Variants in CEACAM18 observed in about 807,000 individuals in gnomAD.
CEACAM18 encodes cell adhesion molecule CEACAM18.
CEACAM18 carries 33 observed loss-of-function variants against 34.3 expected under a neutral mutation model. The ratio of observed to expected loss-of-function variants is 0.96; its 90% confidence interval spans 0.73 to 1.29. CEACAM18 has a LOEUF of 1.29. Among genes scored for constraint, CEACAM18 ranks in the 50% most tolerant of loss-of-function variants. The probability of loss-of-function intolerance (pLI) is 0.00; values close to 1 mark genes in which losing one functional copy is unlikely to be tolerated. For synonymous variants in CEACAM18, 169 were observed against 180.9 expected, an observed-to-expected ratio of 0.93 and a Z score of 0.53; for missense variants, 474 against 485.0, an observed-to-expected ratio of 0.98 and a Z score of 0.21.
chr19:51,489,527 C>T (rs777333369), intron 5 of CEACAM18, among the ~76,000 whole-genome samples: 22 of 151,964 alleles, frequency 1.4e-4, no homozygotes, highest in Non-Finnish European at 2.5e-4. Context: ...TACGTGTATG[C>T]GTTTTCACTA....
In CEACAM18 at chr19:51,484,997, T is replaced by A. The variant is rs561213367; in HGVS notation, c.964T>A (p.Cys322Ser). The A allele has an allele frequency of 1.3e-5, 20 of 1,536,148 alleles. No homozygotes were observed. The African/African-American group carries it at 1.9e-4, about 15-fold the overall frequency. ...GTCCTCTTCCTTCAGGGATCTTACCTGTTGTCCACAGAGATTTCTCCATCT... is the reference window on the plus strand; with the variant it reads ...GTCCTCTTCCTTCAGGGATCTTACCAGTTGTCCACAGAGATTTCTCCATCT... The change falls in exon 5 of 6, where the codon TGT becomes AGT. Residue 322 changes from cysteine (C) to serine (S), a missense_variant. Physicochemically the swap from Cys to Ser is moderately radical, Grantham distance 112 (BLOSUM62 -1). Coordinates refer to ENST00000396477, the Ensembl canonical transcript of CEACAM18.
downstream of CEACAM18, chr19:51,491,035 T>C (rs1599947876): frequency 4.8e-5 from 8 of 167,292 alleles, no homozygotes; most frequent in East Asian, 1.3e-3. Context: ...CAATCAGTGG[T>C]TGTTCCACTC....
intron 5 of CEACAM18, among the ~76,000 whole-genome samples, chr19:51,487,521 T>C (rs549325692): frequency 3.5e-4 from 53 of 151,888 alleles, no homozygotes; most frequent in Non-Finnish European, 6.8e-4. Flanking sequence ...AATCCCAGCA[T>C]GTTGGAAGGC....
Position 51,488,715 on chromosome 19 carries a change from G to C in CEACAM18, c.1090-1872G>C, listed in dbSNP as rs1179063123. On this transcript the variant is annotated intron_variant, in intron 5 of 5. Coordinates refer to ENST00000396477, the Ensembl canonical transcript of CEACAM18. ...GGACCTGGAACCACATTCTTCACAA[G>C]GGCTGCAGAAGGTGCCAGAGTTTGG... Among the ~76,000 whole-genome samples, 4 of 152,252 alleles carry C rather than the reference G, an allele frequency of 2.6e-5. No homozygotes were observed. The South Asian group carries it at 8.3e-4, about 32-fold the overall frequency.
At chr19:51,483,899 C>A (rs905953557) in intron 4 of CEACAM18, among the ~76,000 whole-genome samples, 1 of 152,156 alleles carries the variant, frequency 6.6e-6, no homozygotes, top group Admixed American at 6.5e-5. Flanking sequence ...AACCATGCGT[C>A]CAATCTTCTG....
chr19:51,489,760 G>T (rs996300717), intron 5 of CEACAM18, among the ~76,000 whole-genome samples: 5 of 152,188 alleles, frequency 3.3e-5, no homozygotes, highest in African/African-American at 9.7e-5. Context: ...GATAAAGTAA[G>T]CTCTTAGTAG....
intron 5 of CEACAM18, among the ~76,000 whole-genome samples, chr19:51,486,893 T>G (rs759305916): frequency 1.1e-4 from 13 of 121,128 alleles, no homozygotes; most frequent in Non-Finnish European, 2.1e-4. Flanking sequence ...AATTTTTTTG[T>G]TTTTTTTTTT....
exon 4 of CEACAM18, chr19:51,483,288 C>T: frequency 6.2e-7 from 1 of 1,613,860 alleles, no homozygotes; most frequent in Non-Finnish European, 8.5e-7. Flanking sequence ...GGATCCAGGC[C>T]CCCCATGAGT....
At chr19:51,488,494 G>A (rs1599946488) in intron 5 of CEACAM18, among the ~76,000 whole-genome samples, 1 of 152,180 alleles carries the variant, frequency 6.6e-6, no homozygotes, top group Admixed American at 6.5e-5. Flanking sequence ...TTTGCTAAGG[G>A]ACCATGTAAT....
chr19:51,483,394 C>A, intron 4 of CEACAM18, 98 bp downstream of exon 4: 3 of 1,399,272 alleles, frequency 2.1e-6, no homozygotes, highest in African/African-American at 1.4e-5. Flanking sequence ...CTCCACTGTG[C>A]CATGACATGC....
In CEACAM18 at chr19:51,479,570, G is replaced by A. The variant is rs188117053; in HGVS notation, c.53-763G>A. ...TGCCCAGACTCTGAGGACCCCCAGA[G>A]GTCATGGCTGGGATGGGGGGAGCCC... is the stretch of plus-strand genomic sequence containing the variant. On this transcript the variant is annotated intron_variant, in intron 1 of 5. Transcript: ENST00000396477. 6.6e-5 allele frequency among the ~76,000 whole-genome samples: 10 copies of A among 152,322 alleles called. No individual in the cohort carries two copies. In the East Asian group the frequency reaches 1.4e-3, roughly 21 times the overall value.
chr19:51,482,879 C>A, intron 3 of CEACAM18, 138 bp from the exon 4 acceptor site: 1 of 885,224 alleles, frequency 1.1e-6, no homozygotes. Flanking sequence ...GTTGTTGACA[C>A]AGCTGCCTTG....
At chr19:51,487,229 T>A (rs552594127) in intron 5 of CEACAM18, among the ~76,000 whole-genome samples, 1 of 152,242 alleles carries the variant, frequency 6.6e-6, no homozygotes, top group East Asian at 1.9e-4. Context: ...AATCCCAACA[T>A]TTTGGGAGGC....
At chr19:51,490,857 C>T (rs1041494502) in exon 6 of CEACAM18, 12 of 384,022 alleles carry the variant, frequency 3.1e-5, no homozygotes, top group African/African-American at 2.5e-4. Context: ...TTGGGCGCTT[C>T]ATCTGCCAAT....
At chr19:51,481,321 C>G in intron 2 of CEACAM18, 72 bp from the exon 3 acceptor site, 2 of 1,487,924 alleles carry the variant, frequency 1.3e-6, no homozygotes, top group South Asian at 1.3e-5. Context: ...GCCCAGAAGT[C>G]CCCTGGAGAG....
intron 1 of CEACAM18, among the ~76,000 whole-genome samples, chr19:51,479,921 C>G (rs545420808): frequency 6.6e-6 from 1 of 152,226 alleles, no homozygotes; most frequent in South Asian, 2.1e-4. Context: ...CAAGGAGGCT[C>G]GATGAGTCAC....
At chr19:51,484,997 T>C in exon 5 of CEACAM18, 3 of 1,536,148 alleles carry the variant, frequency 2.0e-6, no homozygotes, top group Non-Finnish European at 2.6e-6. Context: ...GGATCTTACC[T>C]GTTGTCCACA....
chr19:51,488,103 C>T (rs1990034644), intron 5 of CEACAM18, among the ~76,000 whole-genome samples: 1 of 152,146 alleles, frequency 6.6e-6, no homozygotes, highest in South Asian at 2.1e-4. Context: ...GTCCCTCACC[C>T]CAACCCCAGG....
chr19:51,482,945 G>A, intron 3 of CEACAM18, 72 bp from the exon 4 acceptor site: 1 of 1,562,144 alleles, frequency 6.4e-7, no homozygotes, highest in Non-Finnish European at 8.7e-7. Flanking sequence ...CTCCTGGCTG[G>A]GGGAGGACTT....
Sources: gnomAD v4.1 joint callset for allele counts (sites outside exome capture counted in the v4.1 genomes callset) on GRCh38, gnomAD v4.1.1 for gene constraint, MANE v1.5 for transcripts, NCBI Gene and HGNC (gene_info 2026-07-23, HGNC 2026-07-21) for gene names.